The following KLHL4 variants were observed in gnomAD, a reference collection of about 807,000 sequenced individuals.
KLHL4 encodes kelch-like protein 4.
In KLHL4, 17 loss-of-function variants were observed where a neutral mutation model predicts 45.8. The observed-to-expected ratio is 0.37, with a 90% CI of 0.25 to 0.56. The LOEUF is 0.56. Ranked by LOEUF, KLHL4 falls within the 20% of genes least tolerant of loss-of-function variation. KLHL4 has a pLI of 0.79. For synonymous variants in KLHL4, 224 were observed against 189.9 expected (o/e 1.18, Z -1.47); for missense variants, 544 against 544.9 (o/e 1.00, Z 0.02).
At chrX:87,642,057 A>G (rs1001478619) in intron 9 of KLHL4, among the ~76,000 whole-genome samples, 2 of 110,741 alleles carry the variant, frequency 1.8e-5, no homozygotes, top group Non-Finnish European at 3.8e-5. Flanking sequence ...CTTTCTGGAA[A>G]GTGCCACCTC....
chrX:87,622,460 C>A lies in KLHL4; in HGVS notation c.1137+37C>A, dbSNP rs765678057. On this transcript the variant is annotated intron_variant, in intron 5 of 10. Transcript: ENST00000373119. Reference sequence around the variant, plus strand: ...TACCTAGGTAATTTAAAATATAGTTCTGAACTACCACTAGGCACTAATCCA... The same window carrying A: ...TACCTAGGTAATTTAAAATATAGTTATGAACTACCACTAGGCACTAATCCA... 5 of 924,509 alleles carry A rather than the reference C, an allele frequency of 5.4e-6. No individual in the cohort carries two copies. The South Asian group carries it at 1.0e-4, about 19-fold the overall frequency. The allele number at this position is 924,509 out of a possible 1,213,427, so 76.2% of individuals were successfully genotyped here. A position where few individuals can be genotyped will look rare whatever the true frequency, so the allele number is the denominator to read the frequency against.
chrX:87,617,041 T>G (rs1922580120), intron 3 of KLHL4, among the ~76,000 whole-genome samples: 1 of 111,814 alleles, frequency 8.9e-6, no homozygotes, highest in African/African-American at 3.2e-5. Context: ...ATAACTTGGC[T>G]AAAACAATAA....
At chrX:87,519,799 A>G (rs773710176) in intron 1 of KLHL4, among the ~76,000 whole-genome samples, 1 of 112,211 alleles carries the variant, frequency 8.9e-6, no homozygotes, top group African/African-American at 3.2e-5. Context: ...AATGAATTTA[A>G]CTCTGCTGTA....
At position 87,613,893 on chromosome X, in the gene KLHL4, T is replaced by G. The variant is rs919365827; in HGVS notation, c.439T>G (p.Ser147Ala). 1.7e-6 allele frequency: 2 copies of G among 1,197,335 alleles called. No homozygotes were observed. Among genetic ancestry groups the G allele is most frequent in the Non-Finnish European group, 2.3e-6 (2 of 887,735 alleles). The part of the protein sequence containing the change: ...DSTARLDTQH[S>A]EDMNATRSEE... The stretch of plus-strand genomic sequence containing the variant: ...CCTTTTCAGATTAGATACACAACAC[T>G]CTGAAGACATGAATGCCACCAGATC... The change falls in exon 2 of 11, where the codon TCT (serine) becomes GCT (alanine). Residue 147 changes from serine to alanine, a missense_variant. Physicochemically the swap from Ser to Ala is moderately conservative, Grantham distance 99. Coordinates refer to ENST00000373119, the MANE Select transcript of KLHL4 (RefSeq NM_019117.5).
chrX:87,528,443 G>A (rs1316916451), intron 1 of KLHL4, among the ~76,000 whole-genome samples: 1 of 110,629 alleles, frequency 9.0e-6, no homozygotes, highest in Non-Finnish European at 1.9e-5. Flanking sequence ...CAGGCTGTGC[G>A]CCATGGCTAA....
At chrX:87,557,783 A>G (rs1932011376) in intron 1 of KLHL4, among the ~76,000 whole-genome samples, 1 of 110,495 alleles carries the variant, frequency 9.1e-6, no homozygotes, top group African/African-American at 3.3e-5. Flanking sequence ...TTTTGAAAAT[A>G]TTTGTTGGGT....
At chrX:87,596,893 T>C (rs1345975168) in intron 1 of KLHL4, among the ~76,000 whole-genome samples, 1 of 112,337 alleles carries the variant, frequency 8.9e-6, no homozygotes, top group Non-Finnish European at 1.9e-5. Flanking sequence ...AGATTTAATA[T>C]ATGATTTATC....
At chrX:87,598,545 G>A (rs972136053) in intron 1 of KLHL4, among the ~76,000 whole-genome samples, 7 of 111,529 alleles carry the variant, frequency 6.3e-5, no homozygotes, top group African/African-American at 2.3e-4. Flanking sequence ...TTAGCAGCAA[G>A]AGAATACAGT....
At chrX:87,571,770 G>A (rs1212567341) in intron 1 of KLHL4, among the ~76,000 whole-genome samples, 7 of 110,703 alleles carry the variant, frequency 6.3e-5, no homozygotes, top group African/African-American at 2.3e-4. Context: ...TATTTTCTCA[G>A]AAAAGTCAAT....
intron 9 of KLHL4, among the ~76,000 whole-genome samples, chrX:87,640,084 A>C (rs1338237735): frequency 9.0e-6 from 1 of 111,349 alleles, no homozygotes; most frequent in Admixed American, 9.6e-5. Flanking sequence ...ACAAACTAGA[A>C]AACCTAGAGG....
intron 4 of KLHL4, among the ~76,000 whole-genome samples, chrX:87,621,965 T>C (rs1922766298): frequency 8.9e-6 from 1 of 111,792 alleles, no homozygotes. Flanking sequence ...ATGTGGGCTG[T>C]GAAGCAGTTA....
At position 87,608,924 on chromosome X, in the gene KLHL4, C is replaced by A. The variant is rs1053563593; in HGVS notation, c.423-4953C>A. Among the ~76,000 whole-genome samples, 7 of 110,227 alleles carry A rather than the reference C, an allele frequency of 6.4e-5. No individual in the cohort carries two copies. In the Admixed American group the frequency reaches 6.8e-4, roughly 11 times the overall value. On this transcript the variant is annotated intron_variant, in intron 1 of 10. Coordinates refer to ENST00000373119, the MANE Select transcript of KLHL4 (RefSeq NM_019117.5). The stretch of plus-strand genomic sequence containing the variant: ...CTATCCCTCCCTGCTCCCCCCACCC[C>A]ACAACAGGCCCCGGTGTGTGATGTT...
chrX:87,554,607 A>G (rs1342603597), intron 1 of KLHL4, among the ~76,000 whole-genome samples: 4 of 106,057 alleles, frequency 3.8e-5, no homozygotes, highest in Admixed American at 3.2e-4. Context: ...ATCAGCTTAA[A>G]GAGATTTTGG....
At chrX:87,645,377 C>T (rs1410143508) in intron 9 of KLHL4, among the ~76,000 whole-genome samples, 1 of 111,435 alleles carries the variant, frequency 9.0e-6, no homozygotes, top group Non-Finnish European at 1.9e-5. Flanking sequence ...CAAGAATGGT[C>T]ATAATCAAAA....
chrX:87,638,487 G>C (rs1010812764), intron 9 of KLHL4, among the ~76,000 whole-genome samples: 1 of 112,085 alleles, frequency 8.9e-6, no homozygotes, highest in Non-Finnish European at 1.9e-5. Flanking sequence ...GAGAGTAAGA[G>C]CAGATATTTT....
intron 1 of KLHL4, among the ~76,000 whole-genome samples, chrX:87,534,009 A>T (rs942740277): frequency 1.8e-5 from 2 of 111,869 alleles, no homozygotes; most frequent in African/African-American, 6.5e-5. Flanking sequence ...AACCGGAAAT[A>T]GGAGTCTGTG....
chrX:87,660,995 A>G (rs960612773), intron 9 of KLHL4, among the ~76,000 whole-genome samples: 1 of 112,789 alleles, frequency 8.9e-6, no homozygotes, highest in African/African-American at 3.2e-5. Flanking sequence ...TATCCAAAAT[A>G]ACACAGAACT....
At chrX:87,596,702 G>A (rs916191828) in intron 1 of KLHL4, among the ~76,000 whole-genome samples, 1 of 111,712 alleles carries the variant, frequency 9.0e-6, no homozygotes, top group Non-Finnish European at 1.9e-5. Context: ...TTACAGGGAG[G>A]CAGGGCAGAA....
intron 9 of KLHL4, among the ~76,000 whole-genome samples, chrX:87,659,052 C>T (rs749055808): frequency 3.8e-4 from 41 of 107,106 alleles, no homozygotes; most frequent in African/African-American, 1.3e-3. Flanking sequence ...ATATATTTGT[C>T]CACTGGATGG....
Sources: gnomAD v4.1 joint callset for allele counts (sites outside exome capture counted in the v4.1 genomes callset) on GRCh38, gnomAD v4.1.1 for gene constraint, MANE v1.5 for transcripts, NCBI Gene and HGNC (gene_info 2026-07-23, HGNC 2026-07-21) for gene names.